Variants in CCDC148 observed in about 807,000 individuals in gnomAD.
CCDC148 encodes the protein coiled-coil domain-containing protein 148.
In CCDC148, 89 loss-of-function variants were observed where a neutral mutation model predicts 85.7. The observed-to-expected ratio is 1.04, with a 90% CI of 0.87 to 1.24. CCDC148 has a LOEUF of 1.24. CCDC148 is among the 50% of genes most tolerant of loss of function. The pLI is 0.00. For synonymous variants in CCDC148, 230 were observed against 213.9 expected, an observed-to-expected ratio of 1.08 and a Z score of -0.66; for missense variants, 692 against 671.7, an observed-to-expected ratio of 1.03 and a Z score of -0.33.
chr2:158,233,635 T>G (rs983803769), intron 10 of CCDC148, among the ~76,000 whole-genome samples: 2 of 152,018 alleles, frequency 1.3e-5, no homozygotes, highest in African/African-American at 4.8e-5. Context: ...GATAGGCAAC[T>G]TTTCAAACAG....
At chr2:158,235,182 T>C (rs145014470) in intron 10 of CCDC148, among the ~76,000 whole-genome samples, 150 of 152,342 alleles carry the variant, frequency 9.8e-4, no homozygotes, top group African/African-American at 3.2e-3. Flanking sequence ...GTATATTATG[T>C]GTAAGTATAT....
chr2:158,388,479 T>C (rs1262719845), intron 1 of CCDC148, among the ~76,000 whole-genome samples: 1 of 152,054 alleles, frequency 6.6e-6, no homozygotes, highest in Non-Finnish European at 1.5e-5. Context: ...TGTTTTTCTA[T>C]CTTTATTTTT....
intron 2 of CCDC148, among the ~76,000 whole-genome samples, chr2:158,356,505 G>C (rs1301639090): frequency 6.6e-6 from 1 of 150,742 alleles, no homozygotes; most frequent in Middle Eastern, 3.2e-3. Flanking sequence ...GGCCATCAGA[G>C]AAATGCAAAT....
chr2:158,324,336 C>G (rs1692663762), intron 7 of CCDC148, among the ~76,000 whole-genome samples: 1 of 152,114 alleles, frequency 6.6e-6, no homozygotes, highest in Admixed American at 6.6e-5. Context: ...GTTCTATAAA[C>G]TATTTTGTGG....
intron 9 of CCDC148, among the ~76,000 whole-genome samples, chr2:158,280,244 T>C (rs895661013): frequency 1.3e-5 from 2 of 152,124 alleles, no homozygotes; most frequent in Non-Finnish European, 2.9e-5. Context: ...CCAGCTAACA[T>C]CATAATCACA....
chr2:158,253,873 A>G (rs1045577316), intron 9 of CCDC148, among the ~76,000 whole-genome samples: 1 of 151,634 alleles, frequency 6.6e-6, no homozygotes, highest in Non-Finnish European at 1.5e-5. Flanking sequence ...GAACAAGCAG[A>G]CATTGCTCCT....
chr2:158,376,484 T>C (rs1684655362), intron 1 of CCDC148, among the ~76,000 whole-genome samples: 1 of 152,082 alleles, frequency 6.6e-6, no homozygotes, highest in African/African-American at 2.4e-5. Flanking sequence ...TACCACTCTT[T>C]AACAACAAAG....
rs1355965414 is a variant in CCDC148 at position 158,248,924 on chromosome 2, T to C, written c.1251+1848A>G. On this transcript the variant is annotated intron_variant, in intron 10 of 13. Transcript: ENST00000283233. ...TCCTTCCATTACTCTGTTCAGTTCT[T>C]GTTACAGTGTTTATGAGGCAATTGT... Among the ~76,000 whole-genome samples the C allele has an allele frequency of 5.3e-5, 8 of 152,122 alleles. No individual in the cohort carries two copies. In the South Asian group the frequency reaches 1.5e-3, roughly 28 times the overall value.
At chr2:158,332,222 C>T (rs911357145) in intron 7 of CCDC148, among the ~76,000 whole-genome samples, 1 of 151,916 alleles carries the variant, frequency 6.6e-6, no homozygotes, top group African/African-American at 2.4e-5. Context: ...AATCTCTCAG[C>T]ATTTGTTTGT....
intron 1 of CCDC148, among the ~76,000 whole-genome samples, chr2:158,418,935 G>T (rs1686639211): frequency 6.6e-6 from 1 of 152,108 alleles, no homozygotes; most frequent in African/African-American, 2.4e-5. Context: ...AAGAGTGAAA[G>T]AAAGTATAAA....
chr2:158,442,554 T>C (rs1687979607), intron 1 of CCDC148, among the ~76,000 whole-genome samples: 1 of 152,160 alleles, frequency 6.6e-6, no homozygotes, highest in Admixed American at 6.5e-5. Context: ...ATGCCAGTCT[T>C]CCTCTTCTCA....
chr2:158,193,401 A>C (rs1255498292), intron 11 of CCDC148, among the ~76,000 whole-genome samples: 1 of 152,110 alleles, frequency 6.6e-6, no homozygotes, highest in African/African-American at 2.4e-5. Flanking sequence ...CTGCTCCAAC[A>C]TAACATCAGC....
intron 9 of CCDC148, among the ~76,000 whole-genome samples, chr2:158,308,862 C>T (rs1157355956): frequency 6.6e-6 from 1 of 152,172 alleles, no homozygotes; most frequent in Non-Finnish European, 1.5e-5. Flanking sequence ...GTCCTCAATC[C>T]TTCTAACAGC....
chr2:158,184,606 T>G (rs931879188), intron 11 of CCDC148, among the ~76,000 whole-genome samples: 3 of 152,152 alleles, frequency 2.0e-5, no homozygotes, highest in African/African-American at 7.2e-5. Context: ...TGCTACAGAA[T>G]CATGGTTCTC....
At chr2:158,328,111 C>A (rs1329013217) in intron 7 of CCDC148, among the ~76,000 whole-genome samples, 1 of 151,912 alleles carries the variant, frequency 6.6e-6, no homozygotes, top group Admixed American at 6.6e-5. Context: ...GTGTACTGCA[C>A]CCAACAACTC....
intron 9 of CCDC148, among the ~76,000 whole-genome samples, chr2:158,297,556 A>T (rs187071485): frequency 1.3e-5 from 2 of 152,310 alleles, no homozygotes. Context: ...GCAAGAAAGC[A>T]GTCAAAATAG....
chr2:158,447,586 T>G (rs1422587927), intron 1 of CCDC148: 2 of 152,268 alleles, frequency 1.3e-5, no homozygotes, highest in Non-Finnish European at 2.9e-5. Flanking sequence ...TGTCAATTTT[T>G]GGTTTATAAC....
At chr2:158,191,168 C>T (rs1252653730) in intron 11 of CCDC148, among the ~76,000 whole-genome samples, 2 of 151,942 alleles carry the variant, frequency 1.3e-5, no homozygotes, top group Non-Finnish European at 2.9e-5. Flanking sequence ...ACTGAGACCA[C>T]AAAAGAAACC....
At chr2:158,404,109 C>T (rs1450211141) in intron 1 of CCDC148, among the ~76,000 whole-genome samples, 2 of 152,126 alleles carry the variant, frequency 1.3e-5, no homozygotes, top group African/African-American at 4.8e-5. Flanking sequence ...AAGACCTTAA[C>T]ACAGTGCCTG....
Sources: allele counts gnomAD v4.1 joint callset (sites outside exome capture counted in the v4.1 genomes callset), GRCh38; gene constraint gnomAD v4.1.1; transcripts MANE v1.5; gene names NCBI Gene and HGNC (gene_info 2026-07-23, HGNC 2026-07-21).